CD226: variants seen among roughly 807,000 people sequenced by gnomAD.
CD226 encodes the protein CD226 molecule, also known as CD226 antigen.
In CD226, 24 loss-of-function variants were observed where a neutral mutation model predicts 34.9. That is an observed-to-expected ratio of 0.69 (90% confidence interval 0.50 to 0.97). CD226 has a LOEUF of 0.97. Among genes scored for constraint, CD226 ranks in the 50% least tolerant of loss-of-function variants. The pLI, the probability that CD226 is intolerant of heterozygous loss-of-function variation, is 0.00. For missense variants in CD226, 397 were observed against 412.7 expected (o/e 0.96, Z 0.33); for synonymous variants, 148 against 147.4 (o/e 1.00, Z -0.03).
intron 2 of CD226, among the ~76,000 whole-genome samples, chr18:69,930,213 T>A (rs2055572569): frequency 6.6e-6 from 1 of 152,224 alleles, no homozygotes; most frequent in Non-Finnish European, 1.5e-5. Context: ...GAATGAAGGC[T>A]GTTGCAATAT....
intron 2 of CD226, among the ~76,000 whole-genome samples, chr18:69,911,253 G>A (rs2055321037): frequency 6.6e-6 from 1 of 151,728 alleles, no homozygotes; most frequent in Non-Finnish European, 1.5e-5. Context: ...TTGGGGTGCT[G>A]GAGATTGCCA....
intron 2 of CD226, among the ~76,000 whole-genome samples, chr18:69,898,125 C>T (rs1431356236): frequency 4.6e-5 from 7 of 151,634 alleles, no homozygotes; most frequent in East Asian, 1.9e-4. Context: ...GAAAGGAAGA[C>T]GTGAGAAAAG....
rs1982764217 is a variant in CD226, at chr18:69,860,614, G to A, written c.*3700C>T. 1 of 152,070 alleles carries A rather than the reference G, an allele frequency of 6.6e-6. No individual in the cohort carries two copies. The highest frequency in any genetic ancestry group is 2.4e-5 in the African/African-American group (1 of 41,414). The allele number at this position is 152,070 out of a possible 1,614,324, so 9.4% of individuals were successfully genotyped here. A position where few individuals can be genotyped will look rare whatever the true frequency, so the allele number is the denominator to read the frequency against. ...GAGAAGCTTTTAAAAAAATTAACTT[G>A]TTTTTAGTTTTCAGATACATGTTTT... On this transcript the variant is annotated 3_prime_UTR_variant, in exon 6 of 6. Transcript: ENST00000582621.
At chr18:69,877,488 G>C (rs1481065013) in intron 3 of CD226, among the ~76,000 whole-genome samples, 2 of 152,132 alleles carry the variant, frequency 1.3e-5, no homozygotes, top group African/African-American at 4.8e-5. Context: ...CAACCTTGTA[G>C]AAATGGGACT....
At chr18:69,943,524 T>C (rs181177157) in intron 2 of CD226, among the ~76,000 whole-genome samples, 15 of 152,340 alleles carry the variant, frequency 9.8e-5, no homozygotes, top group African/African-American at 3.6e-4. Flanking sequence ...GTATTAGTAG[T>C]ACCATTTATT....
chr18:69,922,302 G>A (rs2055461636), intron 2 of CD226, among the ~76,000 whole-genome samples: 1 of 152,096 alleles, frequency 6.6e-6, no homozygotes, highest in South Asian at 2.1e-4. Flanking sequence ...TATTTTTTGA[G>A]ATAGGGTCTC....
At chr18:69,876,855 C>CTT (rs10618085) in intron 3 of CD226, among the ~76,000 whole-genome samples, 1 of 64,076 alleles carries the variant, frequency 1.6e-5, no homozygotes, top group African/African-American at 6.4e-5. Context: ...GCCTCTAGAA[C>CTT]TTTTTTTTTT....
intron 2 of CD226, among the ~76,000 whole-genome samples, chr18:69,934,360 G>A (rs528920752): frequency 1.3e-5 from 2 of 151,784 alleles, no homozygotes; most frequent in Non-Finnish European, 2.9e-5. Context: ...GGTGTTGGTA[G>A]CATATAGAAT....
chr18:69,942,068 T>A (rs1354989948), intron 2 of CD226, among the ~76,000 whole-genome samples: 1 of 152,198 alleles, frequency 6.6e-6, no homozygotes, highest in Non-Finnish European at 1.5e-5. Context: ...AAGAAGGACA[T>A]GTTTGCTCCC....
At chr18:69,890,103 G>GA (rs1180160418) in intron 3 of CD226, among the ~76,000 whole-genome samples, 5 of 151,658 alleles carry the variant, frequency 3.3e-5, no homozygotes, top group Non-Finnish European at 2.9e-5. Context: ...AAACGTTGAA[G>GA]AAAAAAAATC....
intron 2 of CD226, among the ~76,000 whole-genome samples, chr18:69,914,544 G>T (rs1332853319): frequency 6.6e-6 from 1 of 152,138 alleles, no homozygotes; most frequent in African/African-American, 2.4e-5. Context: ...CTTTACAAAA[G>T]CATTTCTACT....
At chr18:69,916,261 G>A (rs2055384631) in intron 2 of CD226, among the ~76,000 whole-genome samples, 1 of 151,972 alleles carries the variant, frequency 6.6e-6, no homozygotes, top group East Asian at 1.9e-4. Flanking sequence ...TTTGGTGTGT[G>A]GTTACTTATA....
At chr18:69,927,268 T>A (rs1316034043) in intron 2 of CD226, among the ~76,000 whole-genome samples, 1 of 152,010 alleles carries the variant, frequency 6.6e-6, no homozygotes, top group Non-Finnish European at 1.5e-5. Flanking sequence ...GTCTTGGACT[T>A]CCTAGCCTCT....
rs748557039 is a variant in CD226 at position 69,895,725 on chromosome 18, C to A, written c.703G>T (p.Val235Leu). The change falls in exon 3 of 6, where the codon GTG becomes TTG. Residue 235 changes from valine (V) to leucine (L), a missense_variant. Physicochemically the swap from Val to Leu is conservative, Grantham distance 32. Coordinates refer to ENST00000582621, the MANE Select transcript of CD226 (RefSeq NM_001303618.2). ...CCCTCGGCTACAGTCAATCTCATCA[C>A]GAAGGTTTCGTTTTCTCCTGCGCTG... Reference protein sequence around the residue: ...QASAGENETFVMRLTVAEGKT... With the variant: ...QASAGENETFLMRLTVAEGKT... 1 of 1,613,614 alleles carries A rather than the reference C, an allele frequency of 6.2e-7. No homozygotes were observed. The highest frequency in any genetic ancestry group is 1.7e-5 in the Admixed American group (1 of 60,030).
chr18:69,924,374 T>C (rs1209075205), intron 2 of CD226, among the ~76,000 whole-genome samples: 2 of 152,114 alleles, frequency 1.3e-5, no homozygotes. Context: ...GCACTTTGAA[T>C]CATCTGTCAT....
rs201586042 is a variant in CD226 at position 69,895,752 on chromosome 18, C to T, written c.676G>A (p.Ala226Thr). Residue 226 changes from alanine (A) to threonine (T), a missense_variant, in exon 3 of 6, where the codon GCC (alanine) becomes ACC (threonine). Coordinates refer to ENST00000582621, the MANE Select transcript of CD226 (RefSeq NM_001303618.2). Reference protein sequence around the residue: ...DSGLYRCYLQASAGENETFVM... With the variant: ...DSGLYRCYLQTSAGENETFVM... ...AAGGTTTCGTTTTCTCCTGCGCTGG[C>T]CTGCAAGTAGCAGCGGTAAAGCCCC... 29 of 1,614,160 alleles carry T rather than the reference C, an allele frequency of 1.8e-5. No individual in the cohort carries two copies. The highest frequency in any genetic ancestry group is 1.7e-4 in the Admixed American group (10 of 60,016).
intron 3 of CD226, among the ~76,000 whole-genome samples, chr18:69,879,556 A>AG (rs1984088434): frequency 6.6e-6 from 1 of 151,352 alleles, no homozygotes; most frequent in African/African-American, 2.4e-5. Flanking sequence ...TTCTCTGAAA[A>AG]TCACAGTTAT....
rs1459128281 is a variant in CD226, at chr18:69,859,724, C to G, written c.*4590G>C. 1 of 150,352 alleles carries G rather than the reference C, an allele frequency of 6.7e-6. No homozygotes were observed. The highest frequency in any genetic ancestry group is 1.5e-5 in the Non-Finnish European group (1 of 67,842). 9.3% of individuals were successfully genotyped at this position (150,352 alleles called of 1,614,324 possible). The stretch of plus-strand genomic sequence containing the variant: ...ATGTTTCGGGAAAAACAAAAACAAA[C>G]AAACAAAAAACCTGTAAAGCCCTTT... On this transcript the variant is annotated 3_prime_UTR_variant, in exon 6 of 6. Coordinates refer to ENST00000582621, the MANE Select transcript of CD226 (RefSeq NM_001303618.2).
chr18:69,901,813 A>G (rs937619247), intron 2 of CD226, among the ~76,000 whole-genome samples: 4 of 151,508 alleles, frequency 2.6e-5, no homozygotes, highest in Admixed American at 2.0e-4. Flanking sequence ...CGGGAGGCAG[A>G]GCTTGCAGTG....
Sources: gnomAD v4.1 joint callset for allele counts (sites outside exome capture counted in the v4.1 genomes callset) on GRCh38, gnomAD v4.1.1 for gene constraint, MANE v1.5 for transcripts, NCBI Gene and HGNC (gene_info 2026-07-23, HGNC 2026-07-21) for gene names.